CGNL1: variants seen among roughly 807,000 people sequenced by gnomAD.
CGNL1 encodes cingulin like 1.
In CGNL1, 132 loss-of-function variants were observed where a neutral mutation model predicts 141.2. That is an observed-to-expected ratio of 0.93 (90% CI 0.81 to 1.08). CGNL1 has a LOEUF of 1.08. Ranked by LOEUF, CGNL1 falls within the 50% of genes least tolerant of loss-of-function variation. The pLI, the probability that CGNL1 is intolerant of heterozygous loss-of-function variation, is 0.00. For synonymous variants in CGNL1, 690 were observed against 622.1 expected, an observed-to-expected ratio of 1.11 and a Z score of -1.63; for missense variants, 1,870 against 1,588.6, an observed-to-expected ratio of 1.18 and a Z score of -3.01.
chr15:57,527,208 G>C (rs2031668902), intron 12 of CGNL1: 1 of 152,086 alleles, frequency 6.6e-6, no homozygotes, highest in African/African-American at 2.4e-5. Flanking sequence ...TCTTCATCTG[G>C]AGATGTCATC....
At chr15:57,418,870 A>T (rs1333638127) in intron 1 of CGNL1, among the ~76,000 whole-genome samples, 1 of 151,416 alleles carries the variant, frequency 6.6e-6, no homozygotes, top group Non-Finnish European at 1.5e-5. Context: ...GTGAGTCGGG[A>T]GTTGGACATG....
chr15:57,467,013 G>T (rs1416713735), intron 8 of CGNL1, among the ~76,000 whole-genome samples: 2 of 152,156 alleles, frequency 1.3e-5, no homozygotes, highest in African/African-American at 4.8e-5. Flanking sequence ...AGAGGAGGGA[G>T]GTTGAAGACA....
At chr15:57,481,697 G>A (rs1006223072) in intron 8 of CGNL1, among the ~76,000 whole-genome samples, 2 of 151,744 alleles carry the variant, frequency 1.3e-5, no homozygotes, top group Non-Finnish European at 2.9e-5. Flanking sequence ...ATAAATAGGA[G>A]TGTGAATATG....
chr15:57,477,052 T>A (rs1343203228), intron 8 of CGNL1, among the ~76,000 whole-genome samples: 1 of 152,180 alleles, frequency 6.6e-6, no homozygotes, highest in African/African-American at 2.4e-5. Flanking sequence ...TCTGCACATG[T>A]TTCTCAAGTG....
intron 1 of CGNL1, among the ~76,000 whole-genome samples, chr15:57,419,243 A>G (rs892613136): frequency 5.9e-5 from 9 of 152,042 alleles, no homozygotes; most frequent in Non-Finnish European, 8.8e-5. Flanking sequence ...TTTTCTTGAC[A>G]TTGCTTTAAA....
intron 4 of CGNL1, among the ~76,000 whole-genome samples, chr15:57,450,358 C>A (rs931807034): frequency 7.9e-5 from 12 of 152,328 alleles, no homozygotes; most frequent in South Asian, 2.1e-4. Flanking sequence ...CTCACTGCAA[C>A]CTCCACTTCG....
chr15:57,488,324 A>G (rs771517375), intron 8 of CGNL1, among the ~76,000 whole-genome samples: 1 of 152,096 alleles, frequency 6.6e-6, no homozygotes, highest in Non-Finnish European at 1.5e-5. Context: ...TTAATTTGCA[A>G]AATTTTCTCC....
chr15:57,489,751 C>T (rs1595758506), intron 8 of CGNL1, among the ~76,000 whole-genome samples: 1 of 152,106 alleles, frequency 6.6e-6, no homozygotes, highest in African/African-American at 2.4e-5. Flanking sequence ...AAGTGGTTTC[C>T]CAGACATTAG....
At chr15:57,547,162 G>A (rs111382475) in intron 18 of CGNL1, among the ~76,000 whole-genome samples, 193 bp from the exon 19 acceptor site, 9 of 152,332 alleles carry the variant, frequency 5.9e-5, no homozygotes, top group South Asian at 2.1e-4. Flanking sequence ...CAGGCTTTCC[G>A]TGCCGAAATG....
rs1178675982 is a variant in CGNL1 at position 57,545,599 on chromosome 15, G to A, written c.3508G>A (p.Ala1170Thr). 6.2e-7 allele frequency: 1 copy of A among 1,612,766 alleles called. No individual in the cohort carries two copies. The highest frequency in any genetic ancestry group is 1.7e-5 in the Admixed American group (1 of 59,966). Residue 1170 changes from alanine (A) to threonine (T), a missense_variant, in exon 17 of 19, where the codon GCC (alanine) becomes ACC (threonine). Coordinates refer to ENST00000281282, the MANE Select transcript of CGNL1 (RefSeq NM_032866.5). ...CTGTCTCCCCTCTTCCAGGGATCGGGCCAATCTTCAGCTCAGCAACCGGCG... is the reference window on the plus strand; with the variant it reads ...CTGTCTCCCCTCTTCCAGGGATCGGACCAATCTTCAGCTCAGCAACCGGCG... ...DRLESEERDR[A>T]NLQLSNRRLE...
chr15:57,488,200 C>T (rs2063810394), intron 8 of CGNL1, among the ~76,000 whole-genome samples: 1 of 152,150 alleles, frequency 6.6e-6, no homozygotes, highest in Non-Finnish European at 1.5e-5. Context: ...TGTATGTCTT[C>T]TTTGGAGAGC....
At chr15:57,547,334 T>C (rs1318533458) in intron 18 of CGNL1, 21 bp from the exon 19 acceptor site, 2 of 1,613,048 alleles carry the variant, frequency 1.2e-6, no homozygotes, top group Non-Finnish European at 1.7e-6. Context: ...CCAGGAAACA[T>C]GCCCCTTGTC....
intron 8 of CGNL1, among the ~76,000 whole-genome samples, chr15:57,468,729 C>T (rs1273335029): frequency 6.6e-6 from 1 of 152,128 alleles, no homozygotes; most frequent in Non-Finnish European, 1.5e-5. Context: ...TATGTCCCCA[C>T]CTAAATCTCG....
intron 1 of CGNL1, among the ~76,000 whole-genome samples, chr15:57,386,408 T>C (rs2062483776): frequency 6.6e-6 from 1 of 152,236 alleles, no homozygotes. Context: ...GGTATGCCTT[T>C]TGAAGGCATT....
At chr15:57,517,097 G>C (rs2030874905) in intron 9 of CGNL1, 111 bp downstream of exon 9, 3 of 1,059,258 alleles carry the variant, frequency 2.8e-6, no homozygotes, top group Non-Finnish European at 4.1e-6. Flanking sequence ...AGTAGGAAAG[G>C]TCAAGGCAAT....
intron 1 of CGNL1, among the ~76,000 whole-genome samples, chr15:57,426,445 A>T (rs1234722876): frequency 8.0e-6 from 1 of 124,576 alleles, no homozygotes; most frequent in Non-Finnish European, 1.7e-5. Context: ...ACACCAGGCC[A>T]CATTTTTTTT....
At chr15:57,528,547 A>T in intron 12 of CGNL1, 107 bp from the exon 13 acceptor site, 2 of 1,088,338 alleles carry the variant, frequency 1.8e-6, no homozygotes, top group Non-Finnish European at 2.7e-6. Context: ...ATATTGTGGG[A>T]GTCCAGCTGA....
chr15:57,396,588 T>C (rs1450190171), intron 1 of CGNL1, among the ~76,000 whole-genome samples: 2 of 152,248 alleles, frequency 1.3e-5, no homozygotes, highest in Non-Finnish European at 2.9e-5. Context: ...GTGTTCATTC[T>C]TGTACATGAT....
chr15:57,461,590 G>A, intron 7 of CGNL1, 90 bp from the exon 8 acceptor site: 12 of 1,054,190 alleles, frequency 1.1e-5, no homozygotes, highest in Non-Finnish European at 1.6e-5. Flanking sequence ...AGATGGCTGT[G>A]CACATGGGGA....
Sources: gnomAD v4.1 joint callset for allele counts (sites outside exome capture counted in the v4.1 genomes callset) on GRCh38, gnomAD v4.1.1 for gene constraint, MANE v1.5 for transcripts, NCBI Gene and HGNC (gene_info 2026-07-23, HGNC 2026-07-21) for gene names.